The following PRKN variants were observed in gnomAD, a reference collection of about 807,000 sequenced individuals.
PRKN encodes the protein parkin RBR E3 ubiquitin protein ligase.
Under a neutral mutation model 59.5 loss-of-function variants are expected in PRKN, and 56 were observed. That is an observed-to-expected ratio of 0.94 (90% CI 0.76 to 1.18). The LOEUF (loss-of-function observed/expected upper bound fraction) is 1.18. Among genes scored for constraint, PRKN ranks in the 50% most tolerant of loss-of-function variants. The pLI, the probability that PRKN is intolerant of heterozygous loss-of-function variation, is 0.00. For synonymous variants in PRKN, 250 were observed against 222.1 expected (o/e 1.13, Z -1.12); for missense variants, 657 against 596.4 (o/e 1.10, Z -1.06).
At chr6:161,563,405 G>T (rs1350058451) in intron 8 of PRKN, among the ~76,000 whole-genome samples, 4 of 152,114 alleles carry the variant, frequency 2.6e-5, no homozygotes, top group African/African-American at 9.7e-5. Flanking sequence ...AAATGCAATT[G>T]GTTCAAAGGC....
At chr6:162,399,564 T>G (rs182955002) in intron 2 of PRKN, among the ~76,000 whole-genome samples, 1 of 152,200 alleles carries the variant, frequency 6.6e-6, no homozygotes, top group Non-Finnish European at 1.5e-5. Flanking sequence ...TATGCATGCA[T>G]GCACACAATC....
chr6:161,962,680 G>A (rs545306115), intron 6 of PRKN, among the ~76,000 whole-genome samples: 30 of 152,040 alleles, frequency 2.0e-4, no homozygotes, highest in African/African-American at 7.0e-4. Flanking sequence ...GGGATTACAG[G>A]TGCACACCAC....
chr6:162,036,858 C>T (rs1285175306), intron 5 of PRKN, among the ~76,000 whole-genome samples: 1 of 151,902 alleles, frequency 6.6e-6, no homozygotes, highest in Admixed American at 6.6e-5. Context: ...TTTATCTATA[C>T]CGTGCAATTA....
intron 6 of PRKN, among the ~76,000 whole-genome samples, chr6:161,807,086 G>A (rs1398276608): frequency 1.3e-5 from 2 of 152,142 alleles, no homozygotes; most frequent in African/African-American, 4.8e-5. Context: ...ATGATTTCAT[G>A]TTTTTCTCAG....
rs989719782 is a variant in PRKN, at chr6:161,713,439, C to G, written c.871+72333G>C. Among the ~76,000 whole-genome samples the G allele has an allele frequency of 3.9e-5, 6 of 152,106 alleles. No individual in the cohort carries two copies. The East Asian group carries it at 1.2e-3, about 29-fold the overall frequency. On this transcript the variant is annotated intron_variant, in intron 7 of 11. Transcript: ENST00000366898. ...CTTTCTGGGCCAATCTGGAGGCTCT[C>G]TAGGGGGTGCACCCTGAGTAAATGC...
intron 1 of PRKN, among the ~76,000 whole-genome samples, chr6:162,579,406 A>G (rs1780691773): frequency 6.6e-6 from 1 of 150,836 alleles, no homozygotes; most frequent in Non-Finnish European, 1.5e-5. Flanking sequence ...TCTACATGCA[A>G]CAAGTTCATG....
chr6:161,544,233 T>C lies in PRKN; in HGVS notation c.1083+4621A>G, dbSNP rs1365595885. On this transcript the variant is annotated intron_variant, in intron 9 of 11. Transcript: ENST00000366898. This position sits in a 1 kb window ranked among gnomAD's most constrained non-coding sequence, Gnocchi z 5.5. ...TGATAGAGCACACCAATTCTGTAAA[T>C]TCTGCAGTACTTTCAGGTTTCTAAT... 6.6e-6 allele frequency among the ~76,000 whole-genome samples: 1 copy of C among 152,210 alleles called. No individual in the cohort carries two copies. The highest frequency in any genetic ancestry group is 2.4e-5 in the African/African-American group (1 of 41,452).
chr6:161,473,317 G>A lies in PRKN; in HGVS notation c.1083+75537C>T, dbSNP rs1000393376. ...ATATACATATATATTAGGGAGAGGGGAGCATTATATATATAGATACCTATA... is the reference window on the plus strand; with the variant it reads ...ATATACATATATATTAGGGAGAGGGAAGCATTATATATATAGATACCTATA... On this transcript the variant is annotated intron_variant, in intron 9 of 11. Transcript: ENST00000366898. This position sits in a 1 kb window ranked among gnomAD's most constrained non-coding sequence, Gnocchi z 4.1. Among the ~76,000 whole-genome samples the A allele has an allele frequency of 6.6e-6, 1 of 150,504 alleles. No homozygotes were observed.
intron 1 of PRKN, among the ~76,000 whole-genome samples, chr6:162,458,296 C>T (rs1297490000): frequency 1.4e-5 from 2 of 141,200 alleles, no homozygotes; most frequent in East Asian, 2.0e-4. Context: ...TGTGGTGGCA[C>T]GTGCCTGTAA....
intron 1 of PRKN, among the ~76,000 whole-genome samples, chr6:162,596,691 T>C (rs1781507088): frequency 6.6e-6 from 1 of 152,198 alleles, no homozygotes. Flanking sequence ...TATCCTAGAA[T>C]AGCTACCCAA....
chr6:161,457,586 G>C lies in PRKN; in HGVS notation c.1084-70709C>G, dbSNP rs1164276291. 6.6e-6 allele frequency among the ~76,000 whole-genome samples: 1 copy of C among 152,156 alleles called. No homozygotes were observed. Among genetic ancestry groups the C allele is most frequent in the African/African-American group, 2.4e-5 (1 of 41,416 alleles). ...TGGATAGATGGATGGGAGGATGAATGGATGCATGAATGAATTAATGAATGC... is the reference window on the plus strand; with the variant it reads ...TGGATAGATGGATGGGAGGATGAATCGATGCATGAATGAATTAATGAATGC... On this transcript the variant is annotated intron_variant, in intron 9 of 11. Transcript: ENST00000366898. The surrounding 1 kb of genome is among the most constrained non-coding windows in gnomAD (Gnocchi z 5.0).
intron 1 of PRKN, among the ~76,000 whole-genome samples, chr6:162,447,685 C>T (rs1790387109): frequency 6.6e-6 from 1 of 152,052 alleles, no homozygotes; most frequent in Non-Finnish European, 1.5e-5. Flanking sequence ...CAAGTCTGAC[C>T]AGGGTATAAA....
At chr6:161,500,286 T>C (rs1318478884) in intron 9 of PRKN, among the ~76,000 whole-genome samples, 5 of 152,192 alleles carry the variant, frequency 3.3e-5, no homozygotes, top group Middle Eastern at 3.2e-3. Context: ...ACATTTGTTA[T>C]AAATGCAAAA....
intron 6 of PRKN, among the ~76,000 whole-genome samples, chr6:161,897,637 G>C (rs1777681938): frequency 1.3e-5 from 2 of 152,150 alleles, no homozygotes; most frequent in Admixed American, 6.5e-5. Context: ...GCTTAGAATT[G>C]TGTGCTTCTA....
intron 5 of PRKN, among the ~76,000 whole-genome samples, chr6:162,047,948 TC>T: frequency 6.6e-6 from 1 of 152,314 alleles, no homozygotes; most frequent in South Asian, 2.1e-4. Context: ...ATGAAAACAC[TC>T]TATTTATTAT....
intron 7 of PRKN, among the ~76,000 whole-genome samples, chr6:161,643,939 A>C (rs1783832045): frequency 1.3e-5 from 2 of 149,478 alleles, no homozygotes; most frequent in South Asian, 4.2e-4. Context: ...TTGACATGTG[A>C]ATTTTTTTTA....
At chr6:162,522,642 C>T (rs1451269951) in intron 1 of PRKN, among the ~76,000 whole-genome samples, 1 of 152,138 alleles carries the variant, frequency 6.6e-6, no homozygotes, top group Non-Finnish European at 1.5e-5. Flanking sequence ...AGGTGAACAC[C>T]TTACTCCAAG....
intron 2 of PRKN, among the ~76,000 whole-genome samples, chr6:162,276,703 G>GTC (rs1554294364): frequency 0.034 from 5,122 of 149,818 alleles, 265 homozygotes; most frequent in African/African-American, 0.11. Flanking sequence ...GTGTGTGTGT[G>GTC]TGTCTGTGTG....
At chr6:162,242,964 T>C (rs1779045106) in intron 3 of PRKN, among the ~76,000 whole-genome samples, 1 of 151,994 alleles carries the variant, frequency 6.6e-6, no homozygotes, top group African/African-American at 2.4e-5. Context: ...GTGAGATAAT[T>C]ATGTCATGTA....
Sources: gnomAD v4.1 joint callset for allele counts (sites outside exome capture counted in the v4.1 genomes callset) on GRCh38, gnomAD v4.1.1 for gene constraint, Gnocchi (gnomAD v3.1) non-coding constraint, MANE v1.5 for transcripts, NCBI Gene and HGNC (gene_info 2026-07-23, HGNC 2026-07-21) for gene names.